OTOGL: variants seen among roughly 807,000 people sequenced by gnomAD.
OTOGL encodes the protein otogelin-like protein.
OTOGL carries 285 observed loss-of-function variants against 318.5 expected under a neutral mutation model. That is an observed-to-expected ratio of 0.89 (90% CI 0.81 to 0.99). The LOEUF is 0.99. Among genes scored for constraint, OTOGL ranks in the 50% least tolerant of loss-of-function variants. The probability of loss-of-function intolerance (pLI) is 0.00; values close to 1 mark genes in which losing one functional copy is unlikely to be tolerated. For synonymous variants in OTOGL, 987 were observed against 936.5 expected (o/e 1.05, Z -0.99); for missense variants, 2,899 against 2,845.6 (o/e 1.02, Z -0.43).
At chr12:80,112,629 T>C (rs950015064) in intron 1 of OTOGL, among the ~76,000 whole-genome samples, 1 of 152,160 alleles carries the variant, frequency 6.6e-6, no homozygotes, top group Non-Finnish European at 1.5e-5. Flanking sequence ...TTTGATGTGT[T>C]GCTGGATTCA....
At chr12:80,209,566 A>T in intron 2 of OTOGL, 56 bp downstream of exon 2, 1 of 1,183,428 alleles carries the variant, frequency 8.5e-7, no homozygotes, top group Non-Finnish European at 1.2e-6. Flanking sequence ...TTTCTCTTAC[A>T]ATTTATACAA....
chr12:80,231,692 C>T (rs752692830), intron 8 of OTOGL, among the ~76,000 whole-genome samples: 155 of 151,880 alleles, frequency 1.0e-3, no homozygotes, highest in Non-Finnish European at 1.7e-3. Context: ...TGGAGTGCAG[C>T]GACATGATTT....
At chr12:80,333,147 A>C in intron 38 of OTOGL, 69 bp downstream of exon 38, 1 of 1,398,786 alleles carries the variant, frequency 7.1e-7, no homozygotes, top group East Asian at 2.5e-5. Flanking sequence ...TTCTGTGTCA[A>C]TATCCAAATG....
intron 52 of OTOGL, chr12:80,366,285 A>T (rs1009607845): frequency 2.2e-6 from 1 of 449,962 alleles, no homozygotes; most frequent in African/African-American, 2.0e-5. Flanking sequence ...GTGCAGATGC[A>T]GACATCAGAA....
intron 35 of OTOGL, 45 bp downstream of exon 35, chr12:80,323,885 A>C (rs1458840779): frequency 6.9e-7 from 1 of 1,452,556 alleles, no homozygotes; most frequent in South Asian, 1.2e-5. Context: ...AGCCTTAGCA[A>C]ATTCTGTTTT....
chr12:80,224,597 G>A (rs1458685187), intron 7 of OTOGL, among the ~76,000 whole-genome samples: 2 of 152,092 alleles, frequency 1.3e-5, no homozygotes, highest in Non-Finnish European at 2.9e-5. Flanking sequence ...TCTTTCAGCA[G>A]TGTTTTGTAG....
intron 4 of OTOGL, among the ~76,000 whole-genome samples, chr12:80,212,636 T>C (rs1877355336): frequency 6.6e-6 from 1 of 152,176 alleles, no homozygotes; most frequent in East Asian, 1.9e-4. Context: ...AGATGGATGG[T>C]AAAATACAGA....
intron 1 of OTOGL, among the ~76,000 whole-genome samples, chr12:80,203,925 A>C (rs576060801): frequency 1.3e-5 from 2 of 152,308 alleles, no homozygotes; most frequent in African/African-American, 4.8e-5. Flanking sequence ...TCTTACACAC[A>C]CCAAAGTTTA....
chr12:80,356,568 A>G (rs1270249530), intron 48 of OTOGL, 48 bp downstream of exon 48: 14 of 1,348,250 alleles, frequency 1.0e-5, no homozygotes, highest in African/African-American at 1.0e-4. Flanking sequence ...TTGTTCATTC[A>G]GAACAGTGAA....
intron 1 of OTOGL, among the ~76,000 whole-genome samples, chr12:80,193,362 A>C (rs1875828162): frequency 6.6e-6 from 1 of 152,080 alleles, no homozygotes; most frequent in South Asian, 2.1e-4. Context: ...CTAAAAATAC[A>C]AAAGTTAGCT....
At chr12:80,105,194 A>G (rs1173757542) in intron 1 of OTOGL, among the ~76,000 whole-genome samples, 1 of 152,232 alleles carries the variant, frequency 6.6e-6, no homozygotes, top group Non-Finnish European at 1.5e-5. Flanking sequence ...TCTTTGGGTA[A>G]AATTCATTTA....
Position 80,361,847 on chromosome 12 carries a change from G to A in OTOGL, c.6267+2947G>A, listed in dbSNP as rs149831575. 7.4e-4 allele frequency among the ~76,000 whole-genome samples: 113 copies of A among 152,150 alleles called. 2 individuals carry two copies. Among genetic ancestry groups the A allele is most frequent in the African/African-American group, 2.5e-3 (105 of 41,526 alleles). Reference sequence around the variant, plus strand: ...GCTTATTTGTTTTTCTTGATATTGAGTTGTTTGAGTTCTTTACATATTTTG... The same window carrying A: ...GCTTATTTGTTTTTCTTGATATTGAATTGTTTGAGTTCTTTACATATTTTG... On this transcript the variant is annotated intron_variant, in intron 52 of 58. Coordinates refer to ENST00000547103, the MANE Select transcript of OTOGL (RefSeq NM_001378609.3).
intron 1 of OTOGL, among the ~76,000 whole-genome samples, chr12:80,163,269 A>C (rs1422756774): frequency 6.6e-6 from 1 of 152,154 alleles, no homozygotes; most frequent in Non-Finnish European, 1.5e-5. Context: ...CAAATAGTTT[A>C]TGAGATTCTG....
At chr12:80,208,273 G>C (rs374494271) in intron 1 of OTOGL, 2 of 507,538 alleles carry the variant, frequency 3.9e-6, no homozygotes, top group Non-Finnish European at 7.9e-6. Context: ...ACAGGAAACT[G>C]TTTATATAAT....
intron 16 of OTOGL, among the ~76,000 whole-genome samples, 165 bp downstream of exon 16, chr12:80,255,350 T>A (rs1268200235): frequency 1.3e-5 from 2 of 152,034 alleles, no homozygotes; most frequent in Non-Finnish European, 2.9e-5. Flanking sequence ...TAGAAAGAAG[T>A]GTTGATAATT....
intron 1 of OTOGL, among the ~76,000 whole-genome samples, chr12:80,202,867 C>G (rs1423331379): frequency 6.6e-6 from 1 of 152,122 alleles, no homozygotes; most frequent in Non-Finnish European, 1.5e-5. Flanking sequence ...TGCAGAATAG[C>G]TCTTTTTTTG....
In OTOGL at chr12:80,368,219, T is replaced by C; in HGVS notation, c.6525T>C (p.Thr2175=). ...SKKCDVHQVY[T]PSPSDYGCCG... is the part of the protein sequence containing the mutation. The stretch of plus-strand genomic sequence containing the variant: ...ATTATATGCAGCACCAGGTATATAC[T>C]CCATCCCCAAGTGATTATGGTTGTT... The change falls in exon 55 of 59, where the codon ACT becomes ACC. Residue 2175 remains threonine (T), a synonymous_variant. Transcript: ENST00000547103. 1 of 1,598,624 alleles carries C rather than the reference T, an allele frequency of 6.3e-7. No individual in the cohort carries two copies.
chr12:80,189,064 G>A (rs1875498739), intron 1 of OTOGL, among the ~76,000 whole-genome samples: 1 of 152,228 alleles, frequency 6.6e-6, no homozygotes, highest in Admixed American at 6.5e-5. Flanking sequence ...AGTGCATAGG[G>A]AGAAAGTCTA....
rs564200277 is a variant in OTOGL at position 80,140,847 on chromosome 12, T to C, written c.-20+41242T>C. Among the ~76,000 whole-genome samples, 3 of 152,306 alleles carry C rather than the reference T, an allele frequency of 2.0e-5. No individual in the cohort carries two copies. In the South Asian group the frequency reaches 6.2e-4, roughly 32 times the overall value. ...GACTAAGAGAGAAGAACTGGTATCTTTGTAAATATATACGGACATCAGTAA... is the reference window on the plus strand; with the variant it reads ...GACTAAGAGAGAAGAACTGGTATCTCTGTAAATATATACGGACATCAGTAA... On this transcript the variant is annotated intron_variant, in intron 1 of 58. Coordinates refer to ENST00000547103, the MANE Select transcript of OTOGL (RefSeq NM_001378609.3).
Sources: gnomAD v4.1 joint callset for allele counts (sites outside exome capture counted in the v4.1 genomes callset) on GRCh38, gnomAD v4.1.1 for gene constraint, MANE v1.5 for transcripts, NCBI Gene and HGNC (gene_info 2026-07-23, HGNC 2026-07-21) for gene names.